IPPK: variants seen among roughly 807,000 people sequenced by gnomAD.
IPPK encodes the protein IPK1 homolog.
A neutral mutation model predicts 64.6 loss-of-function variants in IPPK; 22 were observed. The ratio of observed to expected loss-of-function variants is 0.34; its 90% CI spans 0.24 to 0.49. The LOEUF (loss-of-function observed/expected upper bound fraction) is 0.49. IPPK is among the 20% of genes least tolerant of loss of function. The pLI is 0.99. For missense variants in IPPK, 532 were observed against 630.7 expected (o/e 0.84, Z 1.68); for synonymous variants, 262 against 247.2 (o/e 1.06, Z -0.56).
intron 1 of IPPK, among the ~76,000 whole-genome samples, chr9:92,659,841 TG>T (rs1428388113): frequency 6.6e-6 from 1 of 152,110 alleles, no homozygotes; most frequent in African/African-American, 2.4e-5. Flanking sequence ...CCCGGCCCCC[TG>T]GGCCCCTCTG....
At chr9:92,623,289 C>T (rs1851675423) in intron 11 of IPPK, among the ~76,000 whole-genome samples, 1 of 152,054 alleles carries the variant, frequency 6.6e-6, no homozygotes, top group African/African-American at 2.4e-5. Context: ...AAAAAATTAG[C>T]CAGGCATGGT....
intron 6 of IPPK, 152 bp from the exon 7 acceptor site, chr9:92,642,962 A>G (rs1852081541): frequency 3.0e-6 from 2 of 674,940 alleles, no homozygotes; most frequent in South Asian, 3.4e-5. Context: ...GCAGGTGCAC[A>G]TCACTAAGTG....
intron 6 of IPPK, 74 bp downstream of exon 6, chr9:92,647,985 T>C (rs1325179558): frequency 1.2e-5 from 11 of 890,076 alleles, no homozygotes; most frequent in Admixed American, 2.7e-5. Flanking sequence ...TTCTGAAAAC[T>C]GTGTGTGTCC....
intron 12 of IPPK, chr9:92,617,996 T>G (rs1851496413): frequency 2.9e-6 from 1 of 342,574 alleles, no homozygotes. Context: ...GGGATCTAAA[T>G]TTAGTCTCAG....
chr9:92,623,358 C>G (rs888487137), intron 11 of IPPK, among the ~76,000 whole-genome samples: 2 of 151,282 alleles, frequency 1.3e-5, no homozygotes, highest in Non-Finnish European at 2.9e-5. Flanking sequence ...GGTGTGAACC[C>G]GGGAGACGGA....
intron 6 of IPPK, among the ~76,000 whole-genome samples, chr9:92,647,756 C>T (rs964842034): frequency 3.3e-5 from 5 of 151,608 alleles, no homozygotes; most frequent in Admixed American, 3.3e-4. Flanking sequence ...TGAACACGGG[C>T]CGGGCGCAGT....
At chr9:92,660,265 C>T (rs1344740224) in intron 1 of IPPK, among the ~76,000 whole-genome samples, 5 of 152,130 alleles carry the variant, frequency 3.3e-5, no homozygotes, top group African/African-American at 1.2e-4. Context: ...TCAGTGATGC[C>T]CTGCTAGCGA....
intron 2 of IPPK, among the ~76,000 whole-genome samples, chr9:92,657,332 G>A (rs144608422): frequency 2.6e-5 from 4 of 151,880 alleles, no homozygotes; most frequent in African/African-American, 9.7e-5. Context: ...CTGGATGACA[G>A]GGCGAGACTC....
At chr9:92,669,421 C>G (rs1332152762) in intron 1 of IPPK, among the ~76,000 whole-genome samples, 1 of 152,238 alleles carries the variant, frequency 6.6e-6, no homozygotes, top group Non-Finnish European at 1.5e-5. Flanking sequence ...ATTCCGTAGT[C>G]TCACGAGGCT....
At chr9:92,634,319 A>T (rs890280832) in intron 11 of IPPK, 67 bp downstream of exon 11, 17 of 1,172,284 alleles carry the variant, frequency 1.5e-5, no homozygotes, top group Admixed American at 2.1e-5. Flanking sequence ...AATACAAAAA[A>T]CAAAAAAACA....
In IPPK at chr9:92,616,058, C is replaced by T; in HGVS notation, c.1251-1G>A. On this transcript the variant is annotated splice_acceptor_variant, in intron 12 of 12. Coordinates refer to ENST00000287996, the MANE Select transcript of IPPK (RefSeq NM_022755.6). LOFTEE classifies it high-confidence loss of function. ...AGGGACGACAGGCCTTTGATCAGAG[C>T]TGCAAGTAAAAAGTACCATTTCAGG... is the stretch of plus-strand genomic sequence containing the variant. 6.2e-7 allele frequency: 1 copy of T among 1,611,032 alleles called. No individual in the cohort carries two copies. Among genetic ancestry groups the T allele is most frequent in the Non-Finnish European group, 8.5e-7 (1 of 1,177,882 alleles).
intron 11 of IPPK, among the ~76,000 whole-genome samples, chr9:92,626,625 A>G (rs1851738359): frequency 6.6e-6 from 1 of 152,258 alleles, no homozygotes; most frequent in Non-Finnish European, 1.5e-5. Flanking sequence ...GAAGAAGTGA[A>G]TATGATAATG....
rs775012241 is a variant in IPPK, at chr9:92,615,575, T to C, written c.*257A>G. On this transcript the variant is annotated 3_prime_UTR_variant, in exon 13 of 13. Coordinates refer to ENST00000287996, the MANE Select transcript of IPPK (RefSeq NM_022755.6). Reference sequence around the variant, plus strand: ...GGAAAGAAGAACTATCCAGAACGTCTTCCCAGGGCTTAACGGACACTTCCA... The same window carrying C: ...GGAAAGAAGAACTATCCAGAACGTCCTCCCAGGGCTTAACGGACACTTCCA... 11 of 451,074 alleles carry C rather than the reference T, an allele frequency of 2.4e-5. No homozygotes were observed. The highest frequency in any genetic ancestry group is 7.5e-5 in the Admixed American group (2 of 26,766). 27.9% of individuals were successfully genotyped at this position (451,074 alleles called of 1,614,324 possible). A position where few individuals can be genotyped will look rare whatever the true frequency, so the allele number is the denominator to read the frequency against.
intron 4 of IPPK, among the ~76,000 whole-genome samples, chr9:92,650,846 TC>T (rs1852253253): frequency 6.6e-6 from 1 of 151,628 alleles, no homozygotes; most frequent in African/African-American, 2.4e-5. Context: ...CACCAATATT[TC>T]CCCAGCACCA....
chr9:92,644,327 C>T (rs374025399), intron 6 of IPPK, among the ~76,000 whole-genome samples: 1 of 152,194 alleles, frequency 6.6e-6, no homozygotes, highest in Admixed American at 6.5e-5. Flanking sequence ...CTATTCCCAT[C>T]CCTGTATCTC....
Position 92,658,678 on chromosome 9 carries a change from A to G in IPPK, c.85T>C (p.Cys29Arg). ...KSLVVAHAQRCVVLRFLKFPP... is the reference protein window; with the variant it reads ...KSLVVAHAQRRVVLRFLKFPP... ...AACTTCAGAAACCGCAGCACGACGC[A>G]GCGCTGTTGGAAAATAAAACAAATC... The change falls in exon 2 of 13, where the codon TGC becomes CGC. Residue 29 changes from cysteine to arginine, a missense_variant. Cys to Arg is a radical substitution (Grantham distance 180). Coordinates refer to ENST00000287996, the MANE Select transcript of IPPK (RefSeq NM_022755.6). 6.2e-7 allele frequency: 1 copy of G among 1,614,014 alleles called. No individual in the cohort carries two copies. The highest frequency in any genetic ancestry group is 8.5e-7 in the Non-Finnish European group (1 of 1,179,908).
chr9:92,619,929 C>CA (rs1851573967), intron 11 of IPPK: 2 of 299,810 alleles, frequency 6.7e-6, no homozygotes, highest in South Asian at 8.2e-5. Flanking sequence ...TGGCCACACT[C>CA]AGAGTATCAA....
chr9:92,657,346 C>T (rs1202771360), intron 2 of IPPK, among the ~76,000 whole-genome samples: 2 of 148,920 alleles, frequency 1.3e-5, no homozygotes, highest in Non-Finnish European at 3.0e-5. Flanking sequence ...GAGACTCTGT[C>T]TCAAAAAAAA....
chr9:92,663,744 C>T (rs1236116016), intron 1 of IPPK, among the ~76,000 whole-genome samples: 2 of 152,206 alleles, frequency 1.3e-5, no homozygotes, highest in Non-Finnish European at 2.9e-5. Flanking sequence ...TTTCCCGCCA[C>T]CCACAGAGGA....
Sources: allele counts gnomAD v4.1 joint callset (sites outside exome capture counted in the v4.1 genomes callset), GRCh38; gene constraint gnomAD v4.1.1; transcripts MANE v1.5; gene names NCBI Gene and HGNC (gene_info 2026-07-23, HGNC 2026-07-21).